Variants in F13A1 observed in about 807,000 individuals in gnomAD.
The protein encoded by F13A1 is coagulation factor XIII A chain.
Under a neutral mutation model 80.1 loss-of-function variants are expected in F13A1, and 47 were observed. The ratio of observed to expected loss-of-function variants is 0.59; its 90% CI spans 0.46 to 0.75. The LOEUF (loss-of-function observed/expected upper bound fraction) is 0.75, where lower values mean the gene tolerates loss of function less well. Among genes scored for constraint, F13A1 ranks in the 30% least tolerant of loss-of-function variants. The pLI is 0.00. For synonymous variants in F13A1, 349 were observed against 344.9 expected (o/e 1.01, Z -0.13); for missense variants, 817 against 930.4 (o/e 0.88, Z 1.59).
chr6:6,280,881 AAGTGGCAC>A, intron 3 of F13A1, among the ~76,000 whole-genome samples: 1 of 152,304 alleles, frequency 6.6e-6, no homozygotes, highest in South Asian at 2.1e-4. Flanking sequence ...GTGCTTTGGA[AAGTGGCAC>A]AGTGGAATTT....
At chr6:6,237,903 T>C (rs1432236483) in intron 6 of F13A1, among the ~76,000 whole-genome samples, 2 of 152,192 alleles carry the variant, frequency 1.3e-5, no homozygotes, top group African/African-American at 2.4e-5. Context: ...ACTTCTTTAA[T>C]AGATCAAGAC....
At chr6:6,292,625 A>G (rs1758239806) in intron 3 of F13A1, among the ~76,000 whole-genome samples, 2 of 152,182 alleles carry the variant, frequency 1.3e-5, no homozygotes, top group Admixed American at 6.5e-5. Context: ...CTTTCCATAA[A>G]TGCTACTCAA....
At chr6:6,159,474 G>T (rs942857599) in intron 13 of F13A1, among the ~76,000 whole-genome samples, 3 of 152,178 alleles carry the variant, frequency 2.0e-5, no homozygotes, top group African/African-American at 7.2e-5. Context: ...TCTGGACATG[G>T]GGCTGGAGCC....
chr6:6,225,432 G>A (rs936129106), intron 6 of F13A1, among the ~76,000 whole-genome samples: 1 of 152,196 alleles, frequency 6.6e-6, no homozygotes, highest in African/African-American at 2.4e-5. Flanking sequence ...ATCATTAAGA[G>A]TTAAGAAAAT....
intron 4 of F13A1, among the ~76,000 whole-genome samples, chr6:6,264,040 G>A (rs1289587259): frequency 2.0e-5 from 3 of 152,102 alleles, no homozygotes; most frequent in Non-Finnish European, 2.9e-5. Context: ...GAACAAGAAC[G>A]CCTCCAGACC....
At chr6:6,220,792 C>T (rs141635813) in intron 8 of F13A1, among the ~76,000 whole-genome samples, 4 of 152,152 alleles carry the variant, frequency 2.6e-5, no homozygotes, top group East Asian at 1.9e-4. Flanking sequence ...TTGTCTTACA[C>T]GTGCCCTCCA....
At chr6:6,271,773 T>G (rs1757924860) in intron 3 of F13A1, among the ~76,000 whole-genome samples, 1 of 152,232 alleles carries the variant, frequency 6.6e-6, no homozygotes, top group African/African-American at 2.4e-5. Context: ...CATTTGTGAA[T>G]TATTATTGAG....
At chr6:6,306,935 C>G (rs1193205739) in intron 2 of F13A1, among the ~76,000 whole-genome samples, 1 of 152,232 alleles carries the variant, frequency 6.6e-6, no homozygotes, top group Non-Finnish European at 1.5e-5. Context: ...CTTTAAGATC[C>G]TCTTCGGTCC....
At chr6:6,245,601 T>C (rs1306924594) in intron 6 of F13A1, among the ~76,000 whole-genome samples, 1 of 152,194 alleles carries the variant, frequency 6.6e-6, no homozygotes, top group Non-Finnish European at 1.5e-5. Flanking sequence ...CACCCACCTG[T>C]TGCCTGAAAA....
chr6:6,309,274 A>T (rs1758557597), intron 2 of F13A1, among the ~76,000 whole-genome samples: 1 of 151,408 alleles, frequency 6.6e-6, no homozygotes, highest in South Asian at 2.1e-4. Flanking sequence ...ACAGATAATT[A>T]TGACACAGTG....
chr6:6,266,806 C>T lies in F13A1; in HGVS notation c.323G>A (p.Arg108His), dbSNP rs145761347. Residue 108 changes from arginine (R) to histidine (H), a missense_variant, in exon 4 of 15, where the codon CGC (arginine) becomes CAC (histidine). Physicochemically the swap from Arg to His is conservative, Grantham distance 29 (BLOSUM62 0). Transcript: ENST00000264870. The part of the protein sequence containing the change: ...DLFRVEYVIG[R>H]YPQENKGTYI... The stretch of plus-strand genomic sequence containing the variant: ...GGTTCCCTTGTTCTCCTGTGGGTAG[C>T]GACCTATGAGAAGAGAGAAGAAATA... The T allele has an allele frequency of 5.0e-5, 81 of 1,613,982 alleles. No homozygotes were observed. Among genetic ancestry groups the T allele is most frequent in the South Asian group, 9.9e-5 (9 of 91,084 alleles).
At chr6:6,202,891 T>A (rs576474818) in intron 8 of F13A1, among the ~76,000 whole-genome samples, 12 of 152,374 alleles carry the variant, frequency 7.9e-5, no homozygotes, top group Admixed American at 4.6e-4. Flanking sequence ...AGGCAGTACT[T>A]CACTAGAACA....
chr6:6,288,140 A>G (rs975046139), intron 3 of F13A1, among the ~76,000 whole-genome samples: 5 of 152,202 alleles, frequency 3.3e-5, no homozygotes, highest in African/African-American at 1.2e-4. Flanking sequence ...TTTCTTTTCT[A>G]TGTACATGGA....
chr6:6,279,120 G>A (rs1156890458), intron 3 of F13A1, among the ~76,000 whole-genome samples: 3 of 152,178 alleles, frequency 2.0e-5, no homozygotes, highest in African/African-American at 7.2e-5. Flanking sequence ...TGGAAATAGG[G>A]AGGAAAGTGG....
chr6:6,252,678 A>G (rs1485219864), intron 4 of F13A1, among the ~76,000 whole-genome samples: 1 of 152,240 alleles, frequency 6.6e-6, no homozygotes, highest in Non-Finnish European at 1.5e-5. Flanking sequence ...CAAAAGATAT[A>G]AAACTGAAAT....
At chr6:6,274,273 C>T (rs1168991403) in intron 3 of F13A1, among the ~76,000 whole-genome samples, 1 of 152,286 alleles carries the variant, frequency 6.6e-6, no homozygotes, top group East Asian at 1.9e-4. Context: ...TCTTTTCTAC[C>T]TTGATTTTAT....
chr6:6,173,970 G>C (rs72815102), intron 12 of F13A1, among the ~76,000 whole-genome samples: 11,290 of 152,234 alleles, frequency 0.074, 475 homozygotes, highest in Middle Eastern at 0.095. Context: ...GGGGAATGCT[G>C]ATGCAGCTGG....
intron 6 of F13A1, among the ~76,000 whole-genome samples, chr6:6,231,410 C>A (rs1040164801): frequency 1.3e-5 from 2 of 151,886 alleles, no homozygotes; most frequent in Non-Finnish European, 1.5e-5. Flanking sequence ...AACAAAGCCA[C>A]CAAGAAGTCT....
chr6:6,245,780 C>G (rs1166249313), intron 6 of F13A1, among the ~76,000 whole-genome samples: 1 of 152,170 alleles, frequency 6.6e-6, no homozygotes, highest in East Asian at 1.9e-4. Flanking sequence ...AGCAAGTGCC[C>G]TCAGGAAAGT....
Sources: gnomAD v4.1 joint callset for allele counts (sites outside exome capture counted in the v4.1 genomes callset) on GRCh38, gnomAD v4.1.1 for gene constraint, MANE v1.5 for transcripts, NCBI Gene and HGNC (gene_info 2026-07-23, HGNC 2026-07-21) for gene names.